The following NHEJ1 variants were observed in gnomAD, a reference collection of about 807,000 sequenced individuals.
NHEJ1 encodes non-homologous end joining factor 1.
Under a neutral mutation model 39.4 loss-of-function variants are expected in NHEJ1, and 22 were observed. That is an observed-to-expected ratio of 0.56 (90% CI 0.40 to 0.80). The LOEUF (loss-of-function observed/expected upper bound fraction) is 0.80, where lower values mean the gene tolerates loss of function less well. NHEJ1 is among the 30% of genes least tolerant of loss of function. The pLI is 0.00. For missense variants in NHEJ1, 329 were observed against 357.1 expected, an observed-to-expected ratio of 0.92 and a Z score of 0.63; for synonymous variants, 154 against 135.6, an observed-to-expected ratio of 1.14 and a Z score of -0.94.
At chr2:219,152,791 TTATTTATTTATTTA>T (rs1250789576) in intron 3 of NHEJ1, among the ~76,000 whole-genome samples, 1 of 37,818 alleles carries the variant, frequency 2.6e-5, no homozygotes, top group Non-Finnish European at 1.3e-4. Flanking sequence ...TTATTTATTT[TTATTTATTTATTTA>T]TTTATTTATT....
At chr2:219,131,953 G>A (rs1327651078) in intron 5 of NHEJ1, among the ~76,000 whole-genome samples, 1 of 152,230 alleles carries the variant, frequency 6.6e-6, no homozygotes, top group Non-Finnish European at 1.5e-5. Flanking sequence ...AAGAATACTG[G>A]ACCGGAAGGT....
At chr2:219,115,876 C>CTT (rs1010180302) in intron 5 of NHEJ1, among the ~76,000 whole-genome samples, 27 of 152,156 alleles carry the variant, frequency 1.8e-4, no homozygotes, top group African/African-American at 5.1e-4. Flanking sequence ...AATCCCAGCA[C>CTT]TTTGGGAGGC....
At chr2:219,158,676 A>G (rs1949881493) in intron 1 of NHEJ1, 2 of 400,724 alleles carry the variant, frequency 5.0e-6, no homozygotes, top group Non-Finnish European at 9.4e-6. Flanking sequence ...CTAATACTAT[A>G]ACATAACGTG....
chr2:219,089,242 A>G (rs1949139469), intron 5 of NHEJ1, among the ~76,000 whole-genome samples: 2 of 152,212 alleles, frequency 1.3e-5, no homozygotes, highest in South Asian at 4.1e-4. Flanking sequence ...CTAGGTACAT[A>G]CCCAAGAGAA....
intron 1 of NHEJ1, among the ~76,000 whole-genome samples, chr2:219,159,749 A>AAG (rs1317245401): frequency 6.6e-6 from 1 of 150,994 alleles, no homozygotes; most frequent in East Asian, 2.0e-4. Flanking sequence ...CTAGCCGGAC[A>AAG]AGAGCTCCAC....
rs1213589090 is a variant in NHEJ1 at position 219,158,046 on chromosome 2, CCAGGCAGAAGTA to C, written c.177+128_177+139del. 5 of 651,346 alleles carry C rather than the reference CCAGGCAGAAGTA, an allele frequency of 7.7e-6. No homozygotes were observed. In the African/African-American group the frequency reaches 7.8e-5, roughly 10 times the overall value. The allele number at this position is 651,346 out of a possible 1,614,324, so 40.3% of individuals were successfully genotyped here. ...ACACACACACACACACACAAAGATT[CCAGGCAGAAGTA>C]CAGGTAGAAGTACAGGACATTAACT... On this transcript the variant is annotated intron_variant, in intron 2 of 7. Coordinates refer to ENST00000356853, the MANE Select transcript of NHEJ1 (RefSeq NM_024782.3).
chr2:219,137,542 C>T (rs1949643266), intron 5 of NHEJ1, among the ~76,000 whole-genome samples: 1 of 59,686 alleles, frequency 1.7e-5, no homozygotes, highest in Non-Finnish European at 3.2e-5. Context: ...AACAATTGAA[C>T]TAAATGGAGA....
At position 219,072,109 on chromosome 2, in the gene NHEJ1, T is replaced by C. The variant is rs1488848613; in HGVS notation, c.*4272A>G. On this transcript the variant is annotated 3_prime_UTR_variant, in exon 8 of 8. Transcript: ENST00000356853. The stretch of plus-strand genomic sequence containing the variant: ...TTCCCTATGGTCCCTCTTCCTCACA[T>C]AAGACAAGCTACCTCATACCCTCCA... Among the ~76,000 whole-genome samples the C allele has an allele frequency of 6.6e-6, 1 of 152,186 alleles. No individual in the cohort carries two copies. Among genetic ancestry groups the C allele is most frequent in the Non-Finnish European group, 1.5e-5 (1 of 68,022 alleles).
At chr2:219,080,433 C>T (rs1005553148) in intron 5 of NHEJ1, among the ~76,000 whole-genome samples, 4 of 151,488 alleles carry the variant, frequency 2.6e-5, no homozygotes, top group Admixed American at 6.6e-5. Flanking sequence ...GCTGAGGCAG[C>T]AGAACGGCGT....
intron 5 of NHEJ1, among the ~76,000 whole-genome samples, chr2:219,125,204 G>A (rs1949504089): frequency 6.6e-6 from 1 of 151,976 alleles, no homozygotes; most frequent in South Asian, 2.1e-4. Flanking sequence ...GAGTAAGGGG[G>A]AGGAATGGAT....
intron 5 of NHEJ1, among the ~76,000 whole-genome samples, chr2:219,116,353 T>C (rs6436111): frequency 0.54 from 81,280 of 151,464 alleles, 24,052 homozygotes; most frequent in Non-Finnish European, 0.67. Context: ...GATATAACTC[T>C]TAGGATTTTT....
chr2:219,078,260 A>C, intron 5 of NHEJ1, 54 bp from the exon 6 acceptor site: 1 of 1,421,932 alleles, frequency 7.0e-7, no homozygotes, highest in African/African-American at 1.4e-5. Context: ...TAGAGAAGCG[A>C]TCTAATACCC....
chr2:219,115,452 G>A (rs1949404653), intron 5 of NHEJ1, among the ~76,000 whole-genome samples: 1 of 152,180 alleles, frequency 6.6e-6, no homozygotes, highest in African/African-American at 2.4e-5. Context: ...GGGAGGAACA[G>A]AAGAAGAGAG....
rs370912571 is a variant in NHEJ1, at chr2:219,149,517, G to A, written c.391-1722C>T. On this transcript the variant is annotated intron_variant, in intron 3 of 7. Transcript: ENST00000356853. ...TGTAATCCCAGCTACTCGGGAGACT[G>A]AGGCACAAGAATCGCTTGAATCCGG... 1.2e-4 allele frequency among the ~76,000 whole-genome samples: 18 copies of A among 152,302 alleles called. No homozygotes were observed. In the East Asian group the frequency reaches 2.7e-3, roughly 23 times the overall value.
chr2:219,102,873 C>T (rs796652481), intron 5 of NHEJ1, among the ~76,000 whole-genome samples: 1,581 of 147,122 alleles, frequency 0.011, 21 homozygotes, highest in African/African-American at 0.039. Flanking sequence ...GGCGTAGTGG[C>T]GGGCGCCTGT....
At chr2:219,159,513 T>TTATATATATATGCATA (rs1553549752) in intron 1 of NHEJ1, among the ~76,000 whole-genome samples, 1 of 90,090 alleles carries the variant, frequency 1.1e-5, no homozygotes, top group African/African-American at 4.4e-5. Context: ...TGACATAACT[T>TTATATATATATGCATA]TATATATATA....
intron 5 of NHEJ1, among the ~76,000 whole-genome samples, chr2:219,096,096 T>C (rs758336591): frequency 4.6e-5 from 7 of 152,244 alleles, no homozygotes; most frequent in Non-Finnish European, 8.8e-5. Context: ...GATTTCCTTC[T>C]TTCTAAATAA....
At chr2:219,129,239 T>C (rs1949554188) in intron 5 of NHEJ1, among the ~76,000 whole-genome samples, 1 of 152,236 alleles carries the variant, frequency 6.6e-6, no homozygotes, top group Non-Finnish European at 1.5e-5. Context: ...CTATGCATGA[T>C]GCAGAATGTC....
intron 5 of NHEJ1, among the ~76,000 whole-genome samples, chr2:219,099,588 T>C (rs56733191): frequency 0.025 from 3,732 of 152,128 alleles, 155 homozygotes; most frequent in African/African-American, 0.084. Flanking sequence ...GGTGATAGGT[T>C]CAGATGCATC....
Sources: allele counts gnomAD v4.1 joint callset (sites outside exome capture counted in the v4.1 genomes callset), GRCh38; gene constraint gnomAD v4.1.1; transcripts MANE v1.5; gene names NCBI Gene and HGNC (gene_info 2026-07-23, HGNC 2026-07-21).